Variants in TMEM145 observed in about 807,000 individuals in gnomAD.
TMEM145 encodes transmembrane protein 145.
TMEM145 carries 46 observed loss-of-function variants against 68.5 expected under a neutral mutation model. The observed-to-expected ratio is 0.67, with a 90% CI of 0.53 to 0.86. The LOEUF is 0.86. Ranked by LOEUF, TMEM145 falls within the 40% of genes least tolerant of loss-of-function variation. TMEM145 has a pLI of 0.00. For missense variants in TMEM145, 570 were observed against 645.8 expected, an observed-to-expected ratio of 0.88 and a Z score of 1.27; for synonymous variants, 255 against 280.2, an observed-to-expected ratio of 0.91 and a Z score of 0.90.
In TMEM145 at chr19:42,315,366, T is replaced by G; in HGVS notation, c.578-6T>G. 1 of 1,614,144 alleles carries G rather than the reference T, an allele frequency of 6.2e-7. No individual in the cohort carries two copies. The highest frequency in any genetic ancestry group is 8.5e-7 in the Non-Finnish European group (1 of 1,180,020). On this transcript the variant is annotated splice_region_variant and splice_polypyrimidine_tract_variant and intron_variant, in intron 7 of 14. Transcript: ENST00000301204. Reference sequence around the variant, plus strand: ...GTGGACAGCCTTTCCCTACCTTGCTTCCTAGATTTGCTGAAAGGTCGTCAG... The same window carrying G: ...GTGGACAGCCTTTCCCTACCTTGCTGCCTAGATTTGCTGAAAGGTCGTCAG...
chr19:42,315,175 A>G lies in TMEM145; in HGVS notation c.506-13A>G. The G allele has an allele frequency of 6.2e-7, 1 of 1,612,082 alleles. No homozygotes were observed. Among genetic ancestry groups the G allele is most frequent in the African/African-American group, 1.3e-5 (1 of 74,978 alleles). On this transcript the variant is annotated splice_polypyrimidine_tract_variant and intron_variant, in intron 6 of 14. Transcript: ENST00000301204. ...CACCTGAATGAACCTTACTCCTCCT[A>G]CCAAATCGGCAGGGATCCTGGAGAC...
chr19:42,322,748 G>C (rs1050906809), intron 13 of TMEM145, among the ~76,000 whole-genome samples: 1 of 151,658 alleles, frequency 6.6e-6, no homozygotes, highest in Non-Finnish European at 1.5e-5. Flanking sequence ...TGTCGTCCAG[G>C]TTGGAGTGCA....
At chr19:42,316,773 G>T (rs2147415893) in intron 10 of TMEM145, 33 bp downstream of exon 10, 1 of 1,612,252 alleles carries the variant, frequency 6.2e-7, no homozygotes, top group Non-Finnish European at 8.5e-7. Context: ...TGGGGCGGCT[G>T]GTGGGGGAGC....
chr19:42,318,367 CAA>C (rs112206821), intron 12 of TMEM145, among the ~76,000 whole-genome samples: 14 of 66,836 alleles, frequency 2.1e-4, no homozygotes, highest in Admixed American at 5.6e-4. Flanking sequence ...GACTCCATCT[CAA>C]AAAAAAAAAA....
chr19:42,320,992 T>A (rs2038906023), intron 13 of TMEM145: 1 of 398,400 alleles, frequency 2.5e-6, no homozygotes, highest in Non-Finnish European at 4.4e-6. Flanking sequence ...TCAACCCCCA[T>A]CCTCTCTCTT....
At chr19:42,323,938 G>A in intron 14 of TMEM145, 149 bp downstream of exon 14, 1 of 704,526 alleles carries the variant, frequency 1.4e-6, no homozygotes, top group Non-Finnish European at 2.2e-6. Flanking sequence ...ACACCGCGCC[G>A]CGACCGTCCC....
Position 42,314,503 on chromosome 19 carries a change from C to A in TMEM145, c.248C>A (p.Pro83Gln). 1 of 1,614,150 alleles carries A rather than the reference C, an allele frequency of 6.2e-7. No homozygotes were observed. The highest frequency in any genetic ancestry group is 2.2e-5 in the East Asian group (1 of 44,870). Reference protein sequence around the residue: ...LLYFDDPSQWPAVYKAGDKDC... With the variant: ...LLYFDDPSQWQAVYKAGDKDC... ...TATTTTGATGACCCATCCCAGTGGCCAGCCGTGTACAAGGCAGGGGACAAG... is the reference window on the plus strand; with the variant it reads ...TATTTTGATGACCCATCCCAGTGGCAAGCCGTGTACAAGGCAGGGGACAAG... The change falls in exon 3 of 15, where the codon CCA becomes CAA. Residue 83 changes from proline to glutamine, a missense_variant. Pro to Gln is a moderately conservative substitution (Grantham distance 76, BLOSUM62 -1). Coordinates refer to ENST00000301204, the MANE Select transcript of TMEM145 (RefSeq NM_173633.3).
At chr19:42,314,182 C>T (rs1275483046) in intron 1 of TMEM145, 90 bp from the exon 2 acceptor site, 13 of 1,424,570 alleles carry the variant, frequency 9.1e-6, no homozygotes, top group Non-Finnish European at 1.3e-5. Context: ...AAGCCAGGTA[C>T]CTGGGGGGTA....
At chr19:42,318,046 C>A (rs1212679060) in intron 12 of TMEM145, among the ~76,000 whole-genome samples, 165 bp downstream of exon 12, 1 of 152,202 alleles carries the variant, frequency 6.6e-6, no homozygotes, top group South Asian at 2.1e-4. Flanking sequence ...ATTACTTTCA[C>A]AAGAAGTGCA....
At chr19:42,318,997 TAGCTTGAACCTGGG>T (rs1449909028) in intron 12 of TMEM145, among the ~76,000 whole-genome samples, 7 of 152,054 alleles carry the variant, frequency 4.6e-5, no homozygotes, top group Admixed American at 1.3e-4. Flanking sequence ...AGCAGGAGAA[TAGCTTGAACCTGGG>T]AGACTGAGGT....
chr19:42,313,425 C>T lies in TMEM145; in HGVS notation c.49C>T (p.Leu17=), dbSNP rs2038822306. The T allele has an allele frequency of 2.2e-6, 3 of 1,374,560 alleles. No homozygotes were observed. The highest frequency in any genetic ancestry group is 3.0e-5 in the African/African-American group (2 of 65,870). The allele number at this position is 1,374,560 out of a possible 1,614,324, so 85.1% of individuals were successfully genotyped here. A position where few individuals can be genotyped will look rare whatever the true frequency, so the allele number is the denominator to read the frequency against. Residue 17 remains leucine (L), a synonymous_variant, in exon 1 of 15, where the codon CTG becomes TTG. Coordinates refer to ENST00000301204, the MANE Select transcript of TMEM145 (RefSeq NM_173633.3). This position sits in a 1 kb window ranked among gnomAD's most constrained non-coding sequence, Gnocchi z 5.1. ...PALRRLLPPL[L]LLLLSLPPRA... The stretch of plus-strand genomic sequence containing the variant: ...GCTGCGCCGCCTGCTGCCGCCGCTG[C>T]TGCTCCTGCTGCTGTCACTGCCCCC...
In TMEM145 at chr19:42,323,668, C is replaced by G. The variant is rs772304118; in HGVS notation, c.1280C>G (p.Pro427Arg). ...SQIASAGVPG[P>R]GGSQSADKAF... ...ATCGCTTCAGCCGGAGTCCCTGGAC[C>G]CGGAGGGAGCCAATCCGCTGACAAG... Residue 427 changes from proline to arginine, a missense_variant, in exon 14 of 15, where the codon CCC becomes CGC. By Grantham distance (103) the Pro-to-Arg change is moderately radical. Coordinates refer to ENST00000301204, the MANE Select transcript of TMEM145 (RefSeq NM_173633.3). The G allele has an allele frequency of 3.1e-6, 5 of 1,614,166 alleles. No homozygotes were observed. The East Asian group carries it at 1.1e-4, about 36-fold the overall frequency.
intron 12 of TMEM145, among the ~76,000 whole-genome samples, chr19:42,318,372 A>C (rs1193310698): frequency 6.9e-6 from 1 of 144,938 alleles, no homozygotes; most frequent in Non-Finnish European, 1.5e-5. Context: ...CATCTCAAAA[A>C]AAAAAAAAAA....
chr19:42,314,658 G>C lies in TMEM145; in HGVS notation c.319G>C (p.Val107Leu). 6.2e-7 allele frequency: 1 copy of C among 1,614,204 alleles called. No homozygotes were observed. Among genetic ancestry groups the C allele is most frequent in the South Asian group, 1.1e-5 (1 of 91,084 alleles). Reference sequence around the variant, plus strand: ...AGTGATCCGGCCGGAGAACAACCAGGTCATCAACCTCACCACCCAGTATGC... The same window carrying C: ...AGTGATCCGGCCGGAGAACAACCAGCTCATCAACCTCACCACCCAGTATGC... Reference protein sequence around the residue: ...ESVIRPENNQVINLTTQYAWS... With the variant: ...ESVIRPENNQLINLTTQYAWS... The change falls in exon 4 of 15, where the codon GTC becomes CTC. Residue 107 changes from valine to leucine, a missense_variant. Transcript: ENST00000301204.
intron 13 of TMEM145, among the ~76,000 whole-genome samples, chr19:42,322,901 A>G (rs992655970): frequency 2.6e-5 from 4 of 151,994 alleles, no homozygotes; most frequent in African/African-American, 9.7e-5. Flanking sequence ...GAGTTTCACC[A>G]TGTTGGCCAT....
intron 14 of TMEM145, 153 bp from the exon 15 acceptor site, chr19:42,324,584 C>T (rs2038951293): frequency 1.0e-6 from 1 of 985,212 alleles, no homozygotes; most frequent in Non-Finnish European, 1.2e-6. Context: ...GGGCTCCGGA[C>T]CCCTGCTTTA....
Position 42,315,229 on chromosome 19 carries a change from C to T in TMEM145, c.547C>T (p.Leu183Phe). 6.8e-6 allele frequency: 11 copies of T among 1,607,450 alleles called. No individual in the cohort carries two copies. The highest frequency in any genetic ancestry group is 8.5e-6 in the Non-Finnish European group (10 of 1,175,578). Residue 183 changes from leucine (L) to phenylalanine (F), a missense_variant, in exon 7 of 15, where the codon CTC becomes TTC. By Grantham distance (22) the Leu-to-Phe change is conservative (BLOSUM62 0). Transcript: ENST00000301204. Reference protein sequence around the residue: ...TDVTFLLIFILIFFLSCYFGY... With the variant: ...TDVTFLLIFIFIFFLSCYFGY... ...TGTGACCTTCCTCCTCATCTTCATCCTCATCTTCTTCCTCTCTTGTTACTT... is the reference window on the plus strand; with the variant it reads ...TGTGACCTTCCTCCTCATCTTCATCTTCATCTTCTTCCTCTCTTGTTACTT...
At chr19:42,319,118 CA>C (rs965913743) in intron 12 of TMEM145, among the ~76,000 whole-genome samples, 1 of 152,004 alleles carries the variant, frequency 6.6e-6, no homozygotes, top group East Asian at 1.9e-4. Context: ...ACAAACAAAA[CA>C]AAAAAACACC....
intron 13 of TMEM145, 89 bp from the exon 14 acceptor site, chr19:42,323,494 C>G: frequency 7.7e-7 from 1 of 1,304,768 alleles, no homozygotes; most frequent in East Asian, 2.4e-5. Context: ...TGGATGTCAA[C>G]TGAAAGGGAA....
Sources: gnomAD v4.1 joint callset for allele counts (sites outside exome capture counted in the v4.1 genomes callset) on GRCh38, gnomAD v4.1.1 for gene constraint, Gnocchi (gnomAD v3.1) non-coding constraint, MANE v1.5 for transcripts, NCBI Gene and HGNC (gene_info 2026-07-23, HGNC 2026-07-21) for gene names.